SULF2: variants seen among roughly 807,000 people sequenced by gnomAD.
The protein encoded by SULF2 is extracellular sulfatase Sulf-2.
In SULF2, 52 loss-of-function variants were observed where a neutral mutation model predicts 107.7. The ratio of observed to expected loss-of-function variants is 0.48; its 90% confidence interval spans 0.39 to 0.61. The LOEUF (loss-of-function observed/expected upper bound fraction) is 0.61, where lower values mean the gene tolerates loss of function less well. Among genes scored for constraint, SULF2 ranks in the 20% least tolerant of loss-of-function variants. SULF2 has a pLI of 0.00. For synonymous variants in SULF2, 460 were observed against 464.3 expected (o/e 0.99, Z 0.12); for missense variants, 993 against 1,177.3 (o/e 0.84, Z 2.29).
intron 6 of SULF2, 73 bp from the exon 7 acceptor site, chr20:47,683,242 G>A: frequency 1.4e-6 from 2 of 1,457,058 alleles, no homozygotes; most frequent in Non-Finnish European, 1.8e-6. Context: ...GGGGTGACAG[G>A]CGCTTGAGAT....
At chr20:47,661,241 C>T (rs1347223578) in intron 18 of SULF2, among the ~76,000 whole-genome samples, 1 of 152,092 alleles carries the variant, frequency 6.6e-6, no homozygotes. Flanking sequence ...AGCGCCAGCC[C>T]TCCACGTTTT....
intron 1 of SULF2, among the ~76,000 whole-genome samples, chr20:47,777,260 G>A (rs1246934439): frequency 6.6e-6 from 1 of 152,222 alleles, no homozygotes; most frequent in East Asian, 1.9e-4. Context: ...TTGATTTAGA[G>A]GTGAGTGCAA....
intron 4 of SULF2, among the ~76,000 whole-genome samples, chr20:47,692,309 A>G (rs949841821): frequency 6.6e-6 from 1 of 152,216 alleles, no homozygotes; most frequent in Non-Finnish European, 1.5e-5. Flanking sequence ...CATCCACTAT[A>G]TCCATATGCA....
At chr20:47,762,705 G>A (rs2090442786) in intron 1 of SULF2, among the ~76,000 whole-genome samples, 2 of 152,236 alleles carry the variant, frequency 1.3e-5, no homozygotes, top group Non-Finnish European at 2.9e-5. Context: ...AGGGTACAGG[G>A]GGGCTGGGAA....
intron 1 of SULF2, among the ~76,000 whole-genome samples, chr20:47,764,462 G>T (rs1299687192): frequency 6.6e-6 from 1 of 152,112 alleles, no homozygotes; most frequent in African/African-American, 2.4e-5. Flanking sequence ...CCTTATATAT[G>T]GTTTGACTGC....
intron 1 of SULF2, among the ~76,000 whole-genome samples, chr20:47,760,568 C>G (rs2090397677): frequency 1.3e-5 from 2 of 152,170 alleles, no homozygotes; most frequent in Non-Finnish European, 2.9e-5. Context: ...CCTCTGAAAA[C>G]AGTGCTTTCA....
chr20:47,683,257 G>A, intron 6 of SULF2, 88 bp from the exon 7 acceptor site: 1 of 1,349,408 alleles, frequency 7.4e-7, no homozygotes, highest in Non-Finnish European at 1.0e-6. Flanking sequence ...TGAGATCTCA[G>A]GCCCCGTCCC....
At chr20:47,740,315 T>C (rs2089847559) in intron 2 of SULF2, among the ~76,000 whole-genome samples, 1 of 152,130 alleles carries the variant, frequency 6.6e-6, no homozygotes, top group Non-Finnish European at 1.5e-5. Flanking sequence ...TCACAAAATG[T>C]CACAGTCACA....
At chr20:47,773,869 G>A (rs1296516201) in intron 1 of SULF2, among the ~76,000 whole-genome samples, 1 of 152,176 alleles carries the variant, frequency 6.6e-6, no homozygotes, top group East Asian at 1.9e-4. Flanking sequence ...CACAGAACAT[G>A]TATTTATGTT....
chr20:47,693,689 T>C (rs1427700237), intron 4 of SULF2, among the ~76,000 whole-genome samples: 1 of 152,188 alleles, frequency 6.6e-6, no homozygotes, highest in Non-Finnish European at 1.5e-5. Flanking sequence ...GTTTGAGATA[T>C]CCACCTATGG....
intron 3 of SULF2, among the ~76,000 whole-genome samples, chr20:47,720,373 A>G (rs1424565451): frequency 1.3e-5 from 2 of 151,914 alleles, no homozygotes; most frequent in African/African-American, 4.8e-5. Context: ...CTCCCACCTT[A>G]GCCTCCTGAG....
chr20:47,729,893 G>A (rs952071790), intron 3 of SULF2, among the ~76,000 whole-genome samples: 3 of 152,220 alleles, frequency 2.0e-5, no homozygotes, highest in Admixed American at 6.5e-5. Context: ...CTGCCCCTGC[G>A]GTCCTGAATG....
chr20:47,686,559 G>A (rs895811496), intron 5 of SULF2, among the ~76,000 whole-genome samples: 2 of 152,206 alleles, frequency 1.3e-5, no homozygotes, highest in African/African-American at 4.8e-5. Flanking sequence ...GCTTTTCACA[G>A]TGGGTGTTCT....
chr20:47,784,551 G>C (rs1017223562), intron 1 of SULF2, among the ~76,000 whole-genome samples: 2 of 151,886 alleles, frequency 1.3e-5, no homozygotes, highest in Non-Finnish European at 2.9e-5. Context: ...ACCCCGAGAC[G>C]GCATCTCTCT....
intron 15 of SULF2, 45 bp from the exon 16 acceptor site, chr20:47,663,667 C>A (rs778414023): frequency 2.0e-6 from 3 of 1,522,042 alleles, no homozygotes; most frequent in Non-Finnish European, 8.8e-7. Flanking sequence ...TCTGAGGGAT[C>A]AGTGACCCCA....
intron 1 of SULF2, among the ~76,000 whole-genome samples, chr20:47,768,893 T>TG (rs2090575782): frequency 6.7e-6 from 1 of 150,224 alleles, no homozygotes; most frequent in South Asian, 2.1e-4. Context: ...TTTTTTTTTT[T>TG]TTTTTTGAGA....
intron 1 of SULF2, among the ~76,000 whole-genome samples, chr20:47,773,589 A>G (rs1042595746): frequency 1.8e-4 from 27 of 152,220 alleles, no homozygotes; most frequent in African/African-American, 6.3e-4. Context: ...TGTTTAGAGG[A>G]AGTAGAAATC....
chr20:47,678,659 C>T lies in SULF2; in HGVS notation c.1193+17G>A, dbSNP rs1429670584. On this transcript the variant is annotated intron_variant, in intron 8 of 20. Transcript: ENST00000688720. This position sits in a 1 kb window ranked among gnomAD's most constrained non-coding sequence, Gnocchi z 4.5. Reference sequence around the variant, plus strand: ...AATGTCCCGGCCCCCTCAACACCTGCCCTGCTCCGTCCTCACCGATTCACC... The same window carrying T: ...AATGTCCCGGCCCCCTCAACACCTGTCCTGCTCCGTCCTCACCGATTCACC... 10 of 1,613,312 alleles carry T rather than the reference C, an allele frequency of 6.2e-6. No individual in the cohort carries two copies. Among genetic ancestry groups the T allele is most frequent in the Non-Finnish European group, 8.5e-6 (10 of 1,179,830 alleles).
chr20:47,745,335 G>A (rs1177241528), intron 2 of SULF2, among the ~76,000 whole-genome samples: 8 of 138,698 alleles, frequency 5.8e-5, no homozygotes, highest in African/African-American at 1.8e-4. Context: ...TCTGCAAAGC[G>A]GGAGAATAAC....
Sources: allele counts gnomAD v4.1 joint callset (sites outside exome capture counted in the v4.1 genomes callset), GRCh38; gene constraint gnomAD v4.1.1; non-coding constraint Gnocchi (gnomAD v3.1); transcripts MANE v1.5; gene names NCBI Gene and HGNC (gene_info 2026-07-23, HGNC 2026-07-21).